Variants in PLPPR4 observed in about 807,000 individuals in gnomAD.
PLPPR4 encodes phospholipid phosphatase related 4.
PLPPR4 carries 24 observed loss-of-function variants against 56.6 expected under a neutral mutation model. The ratio of observed to expected loss-of-function variants is 0.42; its 90% CI spans 0.31 to 0.60. The LOEUF (loss-of-function observed/expected upper bound fraction) is 0.60, where lower values mean the gene tolerates loss of function less well. PLPPR4 is among the 20% of genes least tolerant of loss of function. The probability of loss-of-function intolerance (pLI) is 0.13; values close to 1 mark genes in which losing one functional copy is unlikely to be tolerated. For synonymous variants in PLPPR4, 326 were observed against 328.1 expected, an observed-to-expected ratio of 0.99 and a Z score of 0.07; for missense variants, 654 against 885.8, an observed-to-expected ratio of 0.74 and a Z score of 3.32.
At chr1:99,299,281 T>C in intron 4 of PLPPR4, 51 bp downstream of exon 4, 1 of 1,372,188 alleles carries the variant, frequency 7.3e-7, no homozygotes, top group Non-Finnish European at 1.0e-6. Flanking sequence ...ATTATTCAAT[T>C]GCTGCTTGGA....
At chr1:99,282,379 G>A (rs1659351862) in intron 1 of PLPPR4, among the ~76,000 whole-genome samples, 1 of 152,142 alleles carries the variant, frequency 6.6e-6, no homozygotes, top group African/African-American at 2.4e-5. Flanking sequence ...CTGGATTTCC[G>A]CCATTGCCAT....
At chr1:99,273,941 AG>A (rs1448472184) in intron 1 of PLPPR4, among the ~76,000 whole-genome samples, 4 of 152,138 alleles carry the variant, frequency 2.6e-5, no homozygotes, top group African/African-American at 7.2e-5. Flanking sequence ...TCAATATCCA[AG>A]GTCTATATGA....
intron 6 of PLPPR4, among the ~76,000 whole-genome samples, chr1:99,302,816 C>T (rs994906791): frequency 6.6e-6 from 1 of 150,924 alleles, no homozygotes. Context: ...TTTCCAATTT[C>T]ATCCATGTCC....
Position 99,307,671 on chromosome 1 carries a change from C to G in PLPPR4, c.*661C>G, listed in dbSNP as rs774837393. ...GGTTTTTGTGCGTTTCTTCAAAATT[C>G]TGCTTTCTTCAACATCAAAAATTGT... On this transcript the variant is annotated 3_prime_UTR_variant, in exon 7 of 7. Transcript: ENST00000370185. 10 of 152,158 alleles carry G rather than the reference C, an allele frequency of 6.6e-5. No homozygotes were observed. The highest frequency in any genetic ancestry group is 7.4e-5 in the Non-Finnish European group (5 of 68,016). 9.4% of individuals were successfully genotyped at this position (152,158 alleles called of 1,614,324 possible). A position where few individuals can be genotyped will look rare whatever the true frequency, so the allele number is the denominator to read the frequency against.
chr1:99,266,202 A>G (rs1236835183), intron 1 of PLPPR4, among the ~76,000 whole-genome samples: 1 of 152,224 alleles, frequency 6.6e-6, no homozygotes, highest in African/African-American at 2.4e-5. Context: ...TCGCATGGCT[A>G]ATCCGTGTAG....
chr1:99,292,046 G>A (rs1659635636), intron 2 of PLPPR4, among the ~76,000 whole-genome samples: 1 of 152,042 alleles, frequency 6.6e-6, no homozygotes, highest in East Asian at 1.9e-4. Context: ...TATTATAATT[G>A]ATATATTTGA....
At chr1:99,273,791 G>C (rs1442141172) in intron 1 of PLPPR4, among the ~76,000 whole-genome samples, 5 of 152,046 alleles carry the variant, frequency 3.3e-5, no homozygotes, top group Non-Finnish European at 7.4e-5. Flanking sequence ...TAATAAAATA[G>C]GACTAATCAT....
rs1234662364 is a variant in PLPPR4, at chr1:99,301,951, T to A, written c.822+54T>A. 5 of 1,339,908 alleles carry A rather than the reference T, an allele frequency of 3.7e-6. No homozygotes were observed. The East Asian group carries it at 9.3e-5, about 25-fold the overall frequency. 83.0% of individuals were successfully genotyped at this position (1,339,908 alleles called of 1,614,324 possible). The stretch of plus-strand genomic sequence containing the variant: ...CAAAGTTTAAAATGGAAAACATGCA[T>A]AGAATATTTTGCACTATAATAGCTT... On this transcript the variant is annotated intron_variant, in intron 6 of 6. Transcript: ENST00000370185.
chr1:99,285,269 G>T (rs1659436128), intron 1 of PLPPR4, among the ~76,000 whole-genome samples: 1 of 152,116 alleles, frequency 6.6e-6, no homozygotes, highest in African/African-American at 2.4e-5. Flanking sequence ...TAGGTTAAAT[G>T]AGTTTAAAAT....
intron 1 of PLPPR4, among the ~76,000 whole-genome samples, chr1:99,274,681 T>C (rs1659138680): frequency 6.6e-6 from 1 of 152,112 alleles, no homozygotes; most frequent in East Asian, 1.9e-4. Flanking sequence ...TACCCTTACC[T>C]TGACCTAGTC....
rs926645621 is a variant in PLPPR4, at chr1:99,296,722, C to G, written c.265-16C>G. ...TTCCAACATGCCTCTTCCTGAATAC[C>G]CTTCTATCTTTGCAGATTATGGTAG... On this transcript the variant is annotated splice_polypyrimidine_tract_variant and intron_variant, in intron 2 of 6. Transcript: ENST00000370185. 6 of 1,575,314 alleles carry G rather than the reference C, an allele frequency of 3.8e-6. No individual in the cohort carries two copies. The highest frequency in any genetic ancestry group is 1.7e-5 in the Admixed American group (1 of 57,702).
In PLPPR4 at chr1:99,274,958, A is replaced by C. The variant is rs554271174; in HGVS notation, c.78+10287A>C. Among the ~76,000 whole-genome samples, 4 of 152,248 alleles carry C rather than the reference A, an allele frequency of 2.6e-5. No individual in the cohort carries two copies. The East Asian group carries it at 7.7e-4, about 29-fold the overall frequency. Reference sequence around the variant, plus strand: ...TTTCTAAAAATGATGAATAAATTAGATTTAGTCTTTGGGAATGAGTCATCT... The same window carrying C: ...TTTCTAAAAATGATGAATAAATTAGCTTTAGTCTTTGGGAATGAGTCATCT... On this transcript the variant is annotated intron_variant, in intron 1 of 6. Coordinates refer to ENST00000370185, the MANE Select transcript of PLPPR4 (RefSeq NM_014839.5).
At chr1:99,277,253 A>G (rs1440512824) in intron 1 of PLPPR4, among the ~76,000 whole-genome samples, 1 of 152,170 alleles carries the variant, frequency 6.6e-6, no homozygotes, top group Non-Finnish European at 1.5e-5. Context: ...CTTTGAGGAA[A>G]TGCTTCAGGA....
chr1:99,287,556 G>T (rs1344210896), intron 1 of PLPPR4, among the ~76,000 whole-genome samples: 1 of 152,150 alleles, frequency 6.6e-6, no homozygotes, highest in Non-Finnish European at 1.5e-5. Flanking sequence ...AGCATCTATT[G>T]TTTCCTGACT....
intron 1 of PLPPR4, among the ~76,000 whole-genome samples, chr1:99,269,008 T>C (rs762233686): frequency 3.9e-5 from 6 of 152,182 alleles, no homozygotes; most frequent in African/African-American, 7.2e-5. Context: ...ACACGTGCCA[T>C]GGTGGTTTGC....
intron 1 of PLPPR4, among the ~76,000 whole-genome samples, chr1:99,285,093 CAAT>C (rs1353950287): frequency 6.7e-6 from 1 of 149,766 alleles, no homozygotes; most frequent in Non-Finnish European, 1.5e-5. Context: ...ACAATAACAA[CAAT>C]ACTTAATAAT....
In PLPPR4 at chr1:99,284,040, G is replaced by T. The variant is rs140719394; in HGVS notation, c.79-3925G>T. On this transcript the variant is annotated intron_variant, in intron 1 of 6. Coordinates refer to ENST00000370185, the MANE Select transcript of PLPPR4 (RefSeq NM_014839.5). ...TAGAGAATAAAATTTGTAGTTCTTG[G>T]CTATGTAGACTTTTAAAAAATCTCT... 2.4e-4 allele frequency among the ~76,000 whole-genome samples: 36 copies of T among 152,224 alleles called. 1 individual carries two copies. In the East Asian group the frequency reaches 6.9e-3, roughly 29 times the overall value.
At chr1:99,283,777 G>A (rs535036880) in intron 1 of PLPPR4, among the ~76,000 whole-genome samples, 4 of 149,986 alleles carry the variant, frequency 2.7e-5, no homozygotes, top group African/African-American at 1.0e-4. Flanking sequence ...CGGTGAAACC[G>A]CGTCTCTACT....
At position 99,306,606 on chromosome 1, in the gene PLPPR4, A is replaced by C. The variant is rs1285027754; in HGVS notation, c.1744A>C (p.Asn582His). The C allele has an allele frequency of 1.9e-6, 3 of 1,614,106 alleles. No homozygotes were observed. The highest frequency in any genetic ancestry group is 1.7e-5 in the Admixed American group (1 of 60,018). Residue 582 changes from asparagine (N) to histidine (H), a missense_variant, in exon 7 of 7, where the codon AAC becomes CAC. Physicochemically the swap from Asn to His is moderately conservative, Grantham distance 68. Around this residue, in one of 2 missense-constraint regions of PLPPR4, gnomAD observed 468 missense variants for 554.3 expected, o/e 0.84. Coordinates refer to ENST00000370185, the MANE Select transcript of PLPPR4 (RefSeq NM_014839.5). The surrounding 1 kb of genome is among the most constrained non-coding windows in gnomAD (Gnocchi z 4.0). ...IVRVEAHPEN[N>H]RPIIQIPSTE... is the part of the protein sequence containing the mutation. ...GAGGGTTGAGGCTCACCCAGAGAAC[A>C]ACAGGCCCATCATACAGATCCCGTC...
Sources: allele counts gnomAD v4.1 joint callset (sites outside exome capture counted in the v4.1 genomes callset), GRCh38; gene constraint gnomAD v4.1.1; regional missense constraint gnomAD v4.1.1; non-coding constraint Gnocchi (gnomAD v3.1); transcripts MANE v1.5; gene names NCBI Gene and HGNC (gene_info 2026-07-23, HGNC 2026-07-21).